PDE4DIP: variants seen among roughly 807,000 people sequenced by gnomAD.
The protein encoded by PDE4DIP is myomegalin.
In PDE4DIP, 59 loss-of-function variants were observed where a neutral mutation model predicts 221.4. The observed-to-expected ratio is 0.27, with a 90% CI of 0.22 to 0.33. The LOEUF (loss-of-function observed/expected upper bound fraction) is 0.33, where lower values mean the gene tolerates loss of function less well. Ranked by LOEUF, PDE4DIP falls within the 10% of genes least tolerant of loss-of-function variation. PDE4DIP has a pLI of 1.00. For missense variants in PDE4DIP, 1,036 were observed against 2,154.2 expected (o/e 0.48, Z 10.28); for synonymous variants, 404 against 815.9 (o/e 0.50, Z 8.60).
intron 12 of PDE4DIP, among the ~76,000 whole-genome samples, chr1:148,967,280 TTCTC>T (rs1184311207): frequency 1.5e-3 from 234 of 151,948 alleles, no homozygotes; most frequent in African/African-American, 5.5e-3. Context: ...ACACACGCTC[TTCTC>T]TCTCTCTCTT....
chr1:148,990,439 G>A, intron 21 of PDE4DIP: 1 of 685,756 alleles, frequency 1.5e-6, no homozygotes, highest in Non-Finnish European at 1.8e-6. Flanking sequence ...GATTCAAGCA[G>A]AGCCTTTCAT....
intron 37 of PDE4DIP, 159 bp from the exon 41 acceptor site, chr1:149,024,286 C>T: frequency 3.0e-6 from 2 of 659,486 alleles, no homozygotes; most frequent in Non-Finnish European, 5.2e-6. Context: ...AGTGCCATCC[C>T]CAGGCCACAC....
At position 148,997,529 on chromosome 1, in the gene PDE4DIP, C is replaced by T. The variant is rs587624190; in HGVS notation, c.2905-614C>T. ...CTTCACCTCCATCTCCCAGTAGCTG[C>T]GGAGTGTGATCCTTCTGCTGCCAAT... On this transcript the variant is annotated intron_variant, in intron 22 of 43. Transcript: ENST00000369354. 8.9e-4 allele frequency among the ~76,000 whole-genome samples: 136 copies of T among 152,336 alleles called. 7 individuals are homozygous for T. In the South Asian group the frequency reaches 0.027, roughly 30 times the overall value.
chr1:148,979,023 A>C (rs2060657939), intron 19 of PDE4DIP, among the ~76,000 whole-genome samples: 1 of 148,962 alleles, frequency 6.7e-6, no homozygotes, highest in Non-Finnish European at 1.5e-5. Context: ...CCATGTTCAG[A>C]TCTCTCCCAG....
At chr1:148,824,337 T>C (rs1184528868) in intron 1 of PDE4DIP, among the ~76,000 whole-genome samples, 1 of 150,454 alleles carries the variant, frequency 6.6e-6, no homozygotes, top group African/African-American at 2.5e-5. Flanking sequence ...ACATGGTAGC[T>C]TAGTTCCCAC....
At chr1:148,997,120 TG>T (rs1394929962) in intron 22 of PDE4DIP, among the ~76,000 whole-genome samples, 1 of 151,642 alleles carries the variant, frequency 6.6e-6, no homozygotes, top group African/African-American at 2.4e-5. Context: ...AATGTGACAT[TG>T]GGACATATTA....
chr1:148,961,786 G>A (rs782049599), intron 6 of PDE4DIP, 51 bp from the exon 10 acceptor site: 1 of 773,622 alleles, frequency 1.3e-6, no homozygotes, highest in Non-Finnish European at 2.3e-6. Flanking sequence ...ATTCATTTGA[G>A]GCTAAAAGAC....
chr1:148,955,544 T>A (rs1466144269), intron 5 of PDE4DIP, among the ~76,000 whole-genome samples: 1 of 152,120 alleles, frequency 6.6e-6, no homozygotes, highest in Non-Finnish European at 1.5e-5. Context: ...ACGTAGCCCA[T>A]GCAGAGACAA....
chr1:148,827,701 TTGTG>T (rs68053242), intron 1 of PDE4DIP, among the ~76,000 whole-genome samples: 2 of 115,108 alleles, frequency 1.7e-5, no homozygotes, highest in Admixed American at 9.0e-5. Flanking sequence ...GTCTGTGTGC[TTGTG>T]TGTGTGTGTG....
chr1:148,954,571 A>G (rs587745906), intron 5 of PDE4DIP, among the ~76,000 whole-genome samples: 1 of 152,322 alleles, frequency 6.6e-6, no homozygotes, highest in East Asian at 1.9e-4. Flanking sequence ...TAAGGCATAA[A>G]CTGTTCACAG....
intron 5 of PDE4DIP, among the ~76,000 whole-genome samples, chr1:148,951,645 C>T (rs112940071): frequency 1.0e-3 from 158 of 151,848 alleles, no homozygotes; most frequent in African/African-American, 3.8e-3. Flanking sequence ...AATCTACTCG[C>T]GGCTGGCTGC....
exon 44 of PDE4DIP, chr1:149,032,079 C>T (rs781850059): frequency 2.5e-6 from 4 of 1,606,704 alleles, no homozygotes; most frequent in Non-Finnish European, 3.4e-6. Context: ...GTGCAGCTAC[C>T]TATCTGCTGA....
intron 22 of PDE4DIP, among the ~76,000 whole-genome samples, chr1:148,996,677 A>G (rs1223457171): frequency 2.6e-4 from 39 of 152,298 alleles, no homozygotes; most frequent in African/African-American, 9.4e-4. Context: ...CCTGTGACCT[A>G]CATTTGAACA....
chr1:148,955,769 CCTTTA>C (rs1462776512), intron 5 of PDE4DIP, among the ~76,000 whole-genome samples: 2 of 152,122 alleles, frequency 1.3e-5, no homozygotes, highest in East Asian at 3.9e-4. Context: ...AGGTCAAGTC[CCTTTA>C]CTTCACTAAA....
chr1:149,027,494 A>G (rs369946897), exon 40 of PDE4DIP: 2 of 630,448 alleles, frequency 3.2e-6, no homozygotes, highest in Non-Finnish European at 2.8e-6. Context: ...CATGGCCGCC[A>G]TGTCATTGGC....
chr1:148,996,174 A>G (rs1553564487), intron 22 of PDE4DIP, among the ~76,000 whole-genome samples: 1 of 152,190 alleles, frequency 6.6e-6, no homozygotes, highest in African/African-American at 2.4e-5. Flanking sequence ...TCCAGAAGGC[A>G]CTTTAATAAT....
intron 5 of PDE4DIP, chr1:148,951,907 CCCTCGCCTG>C (rs1553489102): frequency 2.3e-6 from 1 of 441,686 alleles, no homozygotes; most frequent in Non-Finnish European, 3.0e-6. Context: ...ACCAAGCCTT[CCCTCGCCTG>C]CCTCGCAGCC....
At chr1:148,984,844 T>G (rs1235233999) in intron 21 of PDE4DIP, 2 of 152,114 alleles carry the variant, frequency 1.3e-5, no homozygotes, top group African/African-American at 4.8e-5. Context: ...TAGTTCCCAT[T>G]GATAGGATAA....
chr1:148,820,627 T>C, intron 1 of PDE4DIP, among the ~76,000 whole-genome samples: 2 of 145,964 alleles, frequency 1.4e-5, no homozygotes, highest in Non-Finnish European at 3.0e-5. Context: ...AAGTCAGAGA[T>C]TATTGCAGAC....
Sources: allele counts gnomAD v4.1 joint callset (sites outside exome capture counted in the v4.1 genomes callset), GRCh38; gene constraint gnomAD v4.1.1; transcripts MANE v1.5; gene names NCBI Gene and HGNC (gene_info 2026-07-23, HGNC 2026-07-21).